The following ZNF664 variants were observed in gnomAD, a reference collection of about 807,000 sequenced individuals.
ZNF664 encodes zinc finger Organ of Corti 1.
Under a neutral mutation model 18.2 loss-of-function variants are expected in ZNF664, and 10 were observed. The observed-to-expected ratio is 0.55, with a 90% confidence interval of 0.34 to 0.93. The LOEUF (loss-of-function observed/expected upper bound fraction) is 0.93. Ranked by LOEUF, ZNF664 falls within the 40% of genes least tolerant of loss-of-function variation. ZNF664 has a pLI of 0.02. For missense variants in ZNF664, 193 were observed against 319.0 expected (o/e 0.61, Z 3.01); for synonymous variants, 119 against 104.2 (o/e 1.14, Z -0.86).
chr12:123,991,636 G>A (rs961343933), intron 3 of ZNF664, among the ~76,000 whole-genome samples: 8 of 152,228 alleles, frequency 5.3e-5, no homozygotes, highest in Non-Finnish European at 8.8e-5. Flanking sequence ...GCAAAGTATT[G>A]TAGACATTAT....
Position 124,014,229 on chromosome 12 carries a change from G to A in ZNF664, c.*1299G>A, listed in dbSNP as rs542946679. 6.0e-6 allele frequency: 1 copy of A among 167,080 alleles called. No homozygotes were observed. Among genetic ancestry groups the A allele is most frequent in the Non-Finnish European group, 1.5e-5 (1 of 68,192 alleles). 10.3% of individuals were successfully genotyped at this position (167,080 alleles called of 1,614,324 possible). On this transcript the variant is annotated 3_prime_UTR_variant, in exon 5 of 5. Transcript: ENST00000337815. ...CTAGTGGTCAGGGAGGCCTTTCCGC[G>A]GTGGGATGTTGAGCTGAGGCCGGAG...
At chr12:123,988,407 T>C (rs1956849416) in intron 3 of ZNF664, among the ~76,000 whole-genome samples, 1 of 152,226 alleles carries the variant, frequency 6.6e-6, no homozygotes, top group African/African-American at 2.4e-5. Flanking sequence ...CTTCTTTCCA[T>C]GTGAACCATT....
chr12:123,982,049 A>T, intron 2 of ZNF664, among the ~76,000 whole-genome samples: 1 of 152,140 alleles, frequency 6.6e-6, no homozygotes, highest in East Asian at 1.9e-4. Context: ...TCCTCTGGGC[A>T]TTAGTGGTCC....
intron 3 of ZNF664, among the ~76,000 whole-genome samples, chr12:123,988,803 A>C (rs759541710): frequency 6.6e-6 from 1 of 152,058 alleles, no homozygotes; most frequent in African/African-American, 2.4e-5. Context: ...TCAAGAAGGC[A>C]ACATATATAG....
chr12:123,995,330 CAATGCTTCACAGACTAT>C (rs1956935703), intron 3 of ZNF664, among the ~76,000 whole-genome samples: 1 of 152,236 alleles, frequency 6.6e-6, no homozygotes, highest in Non-Finnish European at 1.5e-5. Context: ...GCCTCTGAGT[CAATGCTTCACAGACTAT>C]TGTGTGACCT....
intron 3 of ZNF664, among the ~76,000 whole-genome samples, chr12:124,000,939 ATC>A (rs1431286941): frequency 6.6e-6 from 1 of 152,138 alleles, no homozygotes; most frequent in African/African-American, 2.4e-5. Flanking sequence ...CTGATCTCTT[ATC>A]TCAGTGCCAG....
intron 3 of ZNF664, among the ~76,000 whole-genome samples, chr12:123,994,230 A>G (rs1431897210): frequency 6.6e-6 from 1 of 152,172 alleles, no homozygotes; most frequent in Non-Finnish European, 1.5e-5. Context: ...AGTGGGTTTA[A>G]GATGGATTCT....
chr12:123,979,825 A>G (rs149297572), intron 2 of ZNF664, among the ~76,000 whole-genome samples: 1 of 152,066 alleles, frequency 6.6e-6, no homozygotes, highest in East Asian at 1.9e-4. Flanking sequence ...ACACACACAC[A>G]CACACACCAC....
chr12:123,984,013 C>T (rs553311590), intron 2 of ZNF664, among the ~76,000 whole-genome samples: 69 of 152,240 alleles, frequency 4.5e-4, no homozygotes, highest in African/African-American at 1.4e-3. Flanking sequence ...TGTGAAGAGC[C>T]GAGGTTTCTG....
Position 124,015,358 on chromosome 12 carries a change from T to G in ZNF664, c.*2428T>G, listed in dbSNP as rs1011806518. Reference sequence around the variant, plus strand: ...GTCGAGCTTTAAAGTCCATAATTGTTATCTTCAGAAAATATTATTTGACCT... The same window carrying G: ...GTCGAGCTTTAAAGTCCATAATTGTGATCTTCAGAAAATATTATTTGACCT... On this transcript the variant is annotated 3_prime_UTR_variant, in exon 5 of 5. Coordinates refer to ENST00000337815, the MANE Select transcript of ZNF664 (RefSeq NM_152437.3). 6.0e-6 allele frequency: 1 copy of G among 166,936 alleles called. No homozygotes were observed. The highest frequency in any genetic ancestry group is 2.4e-5 in the African/African-American group (1 of 41,450). The allele number at this position is 166,936 out of a possible 1,614,324, so 10.3% of individuals were successfully genotyped here.
intron 3 of ZNF664, among the ~76,000 whole-genome samples, chr12:124,007,170 C>T (rs1425694344): frequency 6.6e-6 from 1 of 152,168 alleles, no homozygotes; most frequent in East Asian, 1.9e-4. Flanking sequence ...TAACCCCTCT[C>T]ATCCCCCCAC....
At chr12:123,978,179 C>A (rs532875084) in intron 2 of ZNF664, among the ~76,000 whole-genome samples, 28 of 150,272 alleles carry the variant, frequency 1.9e-4, no homozygotes, top group Admixed American at 4.6e-4. Context: ...AAAAAAAAAA[C>A]CCGAATCATA....
chr12:124,009,113 T>C (rs1314774724), intron 3 of ZNF664, among the ~76,000 whole-genome samples: 1 of 152,276 alleles, frequency 6.6e-6, no homozygotes, highest in Non-Finnish European at 1.5e-5. Context: ...TTTTCCTACA[T>C]TGAATCTTGG....
At chr12:123,990,000 T>G (rs1956871141) in intron 3 of ZNF664, among the ~76,000 whole-genome samples, 1 of 152,248 alleles carries the variant, frequency 6.6e-6, no homozygotes, top group Non-Finnish European at 1.5e-5. Context: ...CCTTGCTTGC[T>G]TTGGTTTGCC....
At chr12:124,010,546 C>A (rs1010492769) in intron 3 of ZNF664, among the ~76,000 whole-genome samples, 2 of 152,162 alleles carry the variant, frequency 1.3e-5, no homozygotes. Context: ...AGAAATGTAC[C>A]TTTATCTGCT....
chr12:123,976,332 T>C (rs1200344442), intron 2 of ZNF664, among the ~76,000 whole-genome samples: 2 of 152,108 alleles, frequency 1.3e-5, no homozygotes, highest in East Asian at 1.9e-4. Context: ...GCGTAGGTGT[T>C]AGTGTGGAGG....
Position 123,973,333 on chromosome 12 carries a change from G to C in ZNF664, c.-911G>C, listed in dbSNP as rs2138284859. The C allele has an allele frequency of 1.1e-6, 1 of 888,008 alleles. No homozygotes were observed. Among genetic ancestry groups the C allele is most frequent in the South Asian group, 5.2e-5 (1 of 19,224 alleles). 55.0% of individuals were successfully genotyped at this position (888,008 alleles called of 1,614,324 possible). ...GTGCGCGGCGCCCGCGGCCTGGGGCGCTGACTCCCCTCACTTGGAGTGAGT... is the reference window on the plus strand; with the variant it reads ...GTGCGCGGCGCCCGCGGCCTGGGGCCCTGACTCCCCTCACTTGGAGTGAGT... On this transcript the variant is annotated 5_prime_UTR_variant, in exon 1 of 5. Coordinates refer to ENST00000337815, the MANE Select transcript of ZNF664 (RefSeq NM_152437.3).
chr12:123,977,462 C>CAAAAA (rs58043898), intron 2 of ZNF664, among the ~76,000 whole-genome samples: 4,907 of 93,220 alleles, frequency 0.053, 118 homozygotes, highest in African/African-American at 0.079. Context: ...CTAAAATGGC[C>CAAAAA]AAAAAAAAAA....
At position 124,014,801 on chromosome 12, in the gene ZNF664, A is replaced by G. The variant is rs1319262391; in HGVS notation, c.*1871A>G. The G allele has an allele frequency of 1.8e-5, 3 of 166,144 alleles. No homozygotes were observed. Among genetic ancestry groups the G allele is most frequent in the African/African-American group, 7.2e-5 (3 of 41,464 alleles). 10.3% of individuals were successfully genotyped at this position (166,144 alleles called of 1,614,324 possible). ...CATAAAGGAGATTTAAAAGGAGCAC[A>G]TGATTTAGTGGGTGGGCCATGAAAC... is the stretch of plus-strand genomic sequence containing the variant. On this transcript the variant is annotated 3_prime_UTR_variant, in exon 5 of 5. Transcript: ENST00000337815.
Sources: gnomAD v4.1 joint callset for allele counts (sites outside exome capture counted in the v4.1 genomes callset) on GRCh38, gnomAD v4.1.1 for gene constraint, MANE v1.5 for transcripts, NCBI Gene and HGNC (gene_info 2026-07-23, HGNC 2026-07-21) for gene names.